The following ZPBP variants were observed in gnomAD, a reference collection of about 807,000 sequenced individuals.
ZPBP encodes zona pellucida-binding protein 1.
Under a neutral mutation model 44.8 loss-of-function variants are expected in ZPBP, and 26 were observed. That is an observed-to-expected ratio of 0.58 (90% CI 0.43 to 0.81). The LOEUF (loss-of-function observed/expected upper bound fraction) is 0.81. Ranked by LOEUF, ZPBP falls within the 30% of genes least tolerant of loss-of-function variation. The pLI is 0.00. For synonymous variants in ZPBP, 174 were observed against 153.2 expected (o/e 1.14, Z -1.00); for missense variants, 409 against 434.0 (o/e 0.94, Z 0.51).
At chr7:49,867,835 A>ATT (rs1229317602) in intron 2 of ZPBP, among the ~76,000 whole-genome samples, 2 of 81,972 alleles carry the variant, frequency 2.4e-5, no homozygotes, top group Admixed American at 1.1e-4. Flanking sequence ...TTATTTTATT[A>ATT]TTTTATTTTA....
At chr7:49,909,336 G>A (rs1793279357) in intron 1 of ZPBP, among the ~76,000 whole-genome samples, 2 of 139,660 alleles carry the variant, frequency 1.4e-5, no homozygotes, top group African/African-American at 5.5e-5. Context: ...CAGAAAAGAA[G>A]GCATGCCAAA....
chr7:49,914,021 G>T (rs1458968192), intron 1 of ZPBP: 1 of 152,166 alleles, frequency 6.6e-6, no homozygotes, highest in Non-Finnish European at 1.5e-5. Flanking sequence ...TTGTTCTCAG[G>T]TGTAATCAGC....
chr7:50,091,107 A>G (rs1802970879), intron 1 of ZPBP, among the ~76,000 whole-genome samples: 1 of 151,656 alleles, frequency 6.6e-6, no homozygotes, highest in African/African-American at 2.4e-5. Flanking sequence ...CCATTTGTAT[A>G]TCTTCTTTTG....
intron 2 of ZPBP, among the ~76,000 whole-genome samples, chr7:49,852,690 G>T (rs190996959): frequency 2.0e-3 from 280 of 137,634 alleles, no homozygotes; most frequent in African/African-American, 9.5e-3. Context: ...TGTGACGGAT[G>T]GGGGACGGGC....
chr7:50,018,177 A>G, intron 6 of ZPBP, 63 bp downstream of exon 6: 1 of 1,193,446 alleles, frequency 8.4e-7, no homozygotes, highest in Non-Finnish European at 1.2e-6. Flanking sequence ...TAGGATGCTT[A>G]CTTACACATG....
chr7:50,090,472 T>C (rs1802896527), intron 1 of ZPBP, among the ~76,000 whole-genome samples: 2 of 52,864 alleles, frequency 3.8e-5, no homozygotes, highest in Admixed American at 2.3e-4. Context: ...TATATATTTA[T>C]GTTTGTGTGT....
chr7:49,849,883 G>A (rs1399852575), downstream of ZPBP, among the ~76,000 whole-genome samples: 2 of 152,208 alleles, frequency 1.3e-5, no homozygotes, highest in Non-Finnish European at 2.9e-5. Context: ...GAGGACCCTG[G>A]AGAGACTGAG....
chr7:49,992,298 A>G (rs1403782077), intron 6 of ZPBP, among the ~76,000 whole-genome samples: 3 of 152,222 alleles, frequency 2.0e-5, no homozygotes, highest in Admixed American at 6.5e-5. Context: ...AGATAACTGA[A>G]TATCAGTTAC....
chr7:49,977,872 T>G (rs1381085154), intron 7 of ZPBP, among the ~76,000 whole-genome samples: 1 of 152,192 alleles, frequency 6.6e-6, no homozygotes, highest in East Asian at 1.9e-4. Flanking sequence ...AAACTCAGTG[T>G]ATGTAAGAAT....
intron 3 of ZPBP, among the ~76,000 whole-genome samples, chr7:50,074,624 T>C (rs1801996639): frequency 6.6e-6 from 1 of 151,794 alleles, no homozygotes. Flanking sequence ...TTGCTATACT[T>C]ACATCAGACA....
downstream of ZPBP, among the ~76,000 whole-genome samples, chr7:49,847,785 G>A (rs569331129): frequency 1.3e-5 from 2 of 152,170 alleles, no homozygotes; most frequent in Admixed American, 1.3e-4. Flanking sequence ...CCTGTGTCTG[G>A]AACCTGGCCC....
chr7:49,849,757 G>T (rs767955074), downstream of ZPBP, among the ~76,000 whole-genome samples: 3 of 152,196 alleles, frequency 2.0e-5, no homozygotes, highest in Non-Finnish European at 4.4e-5. Context: ...CACTTATTCT[G>T]CTCTCTGAGA....
intron 7 of ZPBP, among the ~76,000 whole-genome samples, chr7:49,968,314 C>CA: frequency 6.6e-6 from 1 of 151,834 alleles, no homozygotes; most frequent in East Asian, 1.9e-4. Context: ...TTCTAAGAAA[C>CA]AATATTATAA....
chr7:49,958,493 T>C (rs1795705846), intron 7 of ZPBP, among the ~76,000 whole-genome samples: 1 of 152,196 alleles, frequency 6.6e-6, no homozygotes, highest in Non-Finnish European at 1.5e-5. Flanking sequence ...TTAATGCCAA[T>C]TATAGAATGG....
chr7:49,874,350 A>G (rs763358766), intron 2 of ZPBP, among the ~76,000 whole-genome samples: 3 of 152,208 alleles, frequency 2.0e-5, no homozygotes, highest in African/African-American at 4.8e-5. Context: ...ACAGCTGCCT[A>G]CAGTATTCAG....
intron 4 of ZPBP, among the ~76,000 whole-genome samples, chr7:50,038,352 C>T (rs919427231): frequency 1.6e-4 from 24 of 152,302 alleles, no homozygotes; most frequent in African/African-American, 5.3e-4. Context: ...GCGTTATAAG[C>T]TAAACTACAA....
At chr7:49,877,470 A>AAAAAAAAAT (rs1562747540) in intron 2 of ZPBP, among the ~76,000 whole-genome samples, 2 of 39,858 alleles carry the variant, frequency 5.0e-5, no homozygotes, top group Non-Finnish European at 8.7e-5. Flanking sequence ...CTCAAAAAAA[A>AAAAAAAAAT]AAAAAAAAAA....
chr7:50,026,440 C>T (rs6943546), intron 5 of ZPBP, among the ~76,000 whole-genome samples: 37,116 of 151,472 alleles, frequency 0.25, 5,588 homozygotes, highest in Non-Finnish European at 0.35. Context: ...ACAATATACA[C>T]AGGACCCTCC....
chr7:49,840,750 C>T, the ZPBP span, among the ~76,000 whole-genome samples: 25 of 152,174 alleles, frequency 1.6e-4, 1 homozygote, highest in South Asian at 5.2e-3. Flanking sequence ...TTTTGTGGAT[C>T]CGGCATTCAA....
Sources: gnomAD v4.1 joint callset for allele counts (sites outside exome capture counted in the v4.1 genomes callset) on GRCh38, gnomAD v4.1.1 for gene constraint, MANE v1.5 for transcripts, NCBI Gene and HGNC (gene_info 2026-07-23, HGNC 2026-07-21) for gene names.